NUDT18: variants seen among roughly 807,000 people sequenced by gnomAD.
The protein encoded by NUDT18 is 8-oxo-dGDP phosphatase NUDT18.
In NUDT18, 26 loss-of-function variants were observed where a neutral mutation model predicts 27.6. That is an observed-to-expected ratio of 0.94 (90% confidence interval 0.69 to 1.31). The LOEUF (loss-of-function observed/expected upper bound fraction) is 1.31. Ranked by LOEUF, NUDT18 falls within the 50% of genes most tolerant of loss-of-function variation. The probability of loss-of-function intolerance (pLI) is 0.00; values close to 1 mark genes in which losing one functional copy is unlikely to be tolerated. For synonymous variants in NUDT18, 220 were observed against 196.9 expected, an observed-to-expected ratio of 1.12 and a Z score of -0.98; for missense variants, 450 against 433.4, an observed-to-expected ratio of 1.04 and a Z score of -0.34.
At position 22,107,231 on chromosome 8, in the gene NUDT18, C is replaced by T; in HGVS notation, c.*69G>A. ...CCCTGATCGCCAGCCTCTTGCCTCC[C>T]TCAGAGGGAGACAAGTCCGCACTGG... On this transcript the variant is annotated 3_prime_UTR_variant, in exon 3 of 3. Transcript: ENST00000611621. 1 of 1,274,588 alleles carries T rather than the reference C, an allele frequency of 7.8e-7. No homozygotes were observed. Among genetic ancestry groups the T allele is most frequent in the Non-Finnish European group, 1.1e-6 (1 of 931,380 alleles). 79.0% of individuals were successfully genotyped at this position (1,274,588 alleles called of 1,614,324 possible). A position where few individuals can be genotyped will look rare whatever the true frequency, so the allele number is the denominator to read the frequency against.
chr8:22,108,918 G>A (rs1826414331), intron 1 of NUDT18, among the ~76,000 whole-genome samples: 1 of 152,226 alleles, frequency 6.6e-6, no homozygotes, highest in Admixed American at 6.5e-5. Flanking sequence ...GGGAAGGAAT[G>A]AGGCCTAGTC....
Position 22,107,413 on chromosome 8 carries a change from G to C in NUDT18, c.859C>G (p.Pro287Ala). Residue 287 changes from proline to alanine, a missense_variant, in exon 3 of 3, where the codon CCC becomes GCC. Coordinates refer to ENST00000611621, the MANE Select transcript of NUDT18 (RefSeq NM_024815.4). ...AFRSPGIQDE[P>A]PKVRGENFSW... ...AAGTTCTCACCCCGAACTTTTGGGG[G>C]TTCATCCTGGATCCCTGGGCTCCGA... 6.2e-7 allele frequency: 1 copy of C among 1,613,456 alleles called. No homozygotes were observed. The highest frequency in any genetic ancestry group is 8.5e-7 in the Non-Finnish European group (1 of 1,179,856).
In NUDT18 at chr8:22,109,397, G is replaced by A; in HGVS notation, c.-97C>T. Reference sequence around the variant, plus strand: ...GCGGAGCCCGCTCCCAGTCCCTGCGGCAGCGGGCCGGGAGCTCACGAGAAC... The same window carrying A: ...GCGGAGCCCGCTCCCAGTCCCTGCGACAGCGGGCCGGGAGCTCACGAGAAC... On this transcript the variant is annotated 5_prime_UTR_variant, in exon 1 of 3. Transcript: ENST00000611621. 8.5e-7 allele frequency: 1 copy of A among 1,170,392 alleles called. No homozygotes were observed. Among genetic ancestry groups the A allele is most frequent in the Non-Finnish European group, 1.1e-6 (1 of 902,238 alleles). 72.5% of individuals were successfully genotyped at this position (1,170,392 alleles called of 1,614,324 possible).
intron 1 of NUDT18, among the ~76,000 whole-genome samples, chr8:22,108,741 A>G (rs1826412091): frequency 6.6e-6 from 1 of 152,022 alleles, no homozygotes; most frequent in African/African-American, 2.4e-5. Context: ...CTGGCTTGAA[A>G]CACGACCCCC....
rs1019875215 is a variant in NUDT18 at position 22,108,729 on chromosome 8, G to A, written c.163-383C>T. Reference sequence around the variant, plus strand: ...AACTGTGATGGGTCCTCACACTGGGGTCTGGCTTGAAACACGACCCCCACC... The same window carrying A: ...AACTGTGATGGGTCCTCACACTGGGATCTGGCTTGAAACACGACCCCCACC... On this transcript the variant is annotated intron_variant, in intron 1 of 2. Transcript: ENST00000611621. Among the ~76,000 whole-genome samples, 3 of 152,200 alleles carry A rather than the reference G, an allele frequency of 2.0e-5. No individual in the cohort carries two copies. The East Asian group carries it at 5.8e-4, about 29-fold the overall frequency.
chr8:22,109,248 C>G lies in NUDT18; in HGVS notation c.53G>C (p.Gly18Ala), dbSNP rs949739977. The change falls in exon 1 of 3, where the codon GGG (glycine) becomes GCG (alanine). Residue 18 changes from glycine (G) to alanine (A), a missense_variant. Gly to Ala is a moderately conservative substitution (Grantham distance 60, BLOSUM62 0). Coordinates refer to ENST00000611621, the MANE Select transcript of NUDT18 (RefSeq NM_024815.4). The stretch of plus-strand genomic sequence containing the variant: ...CGAGTCGCAGCTGTGCACGCTGGAC[C>G]CCTGGCCAGCCAGCACGGAAGCCAG... ...GALASVLAGQ[G>A]SSVHSCDSAP... is the part of the protein sequence containing the mutation. The G allele has an allele frequency of 1.5e-5, 21 of 1,417,008 alleles. No homozygotes were observed. In the Admixed American group the frequency reaches 4.8e-4, roughly 32 times the overall value. The allele number at this position is 1,417,008 out of a possible 1,614,324, so 87.8% of individuals were successfully genotyped here.
Position 22,109,378 on chromosome 8 carries a change from C to CCCGCCCCCAGTCCCTGCGGAGA in NUDT18, c.-79_-78insTCTCCGCAGGGACTGGGGGCGG. 8.4e-7 allele frequency: 1 copy of CCCGCCCCCAGTCCCTGCGGAGA among 1,195,270 alleles called. No individual in the cohort carries two copies. Among genetic ancestry groups the CCCGCCCCCAGTCCCTGCGGAGA allele is most frequent in the Non-Finnish European group, 1.1e-6 (1 of 931,080 alleles). 74.0% of individuals were successfully genotyped at this position (1,195,270 alleles called of 1,614,324 possible). ...CCGCGGGCTAGAGTGCGCTGCGGAG[C>CCCGCCCCCAGTCCCTGCGGAGA]CCGCTCCCAGTCCCTGCGGCAGCGG... On this transcript the variant is annotated 5_prime_UTR_variant, in exon 1 of 3. Coordinates refer to ENST00000611621, the MANE Select transcript of NUDT18 (RefSeq NM_024815.4).
Position 22,107,362 on chromosome 8 carries a change from C to G in NUDT18, c.910G>C (p.Asp304His). Residue 304 changes from aspartate to histidine, a missense_variant, in exon 3 of 3, where the codon GAC becomes CAC. Transcript: ENST00000611621. Reference sequence around the variant, plus strand: ...CGCTGGAGGAGCTGGCTTTGCAGGTCTTCCTCCATCACCTTCCACCAAGAG... The same window carrying G: ...CGCTGGAGGAGCTGGCTTTGCAGGTGTTCCTCCATCACCTTCCACCAAGAG... ...NFSWWKVMEE[D>H]LQSQLLQRLQ... 6.2e-7 allele frequency: 1 copy of G among 1,613,566 alleles called. No individual in the cohort carries two copies. The highest frequency in any genetic ancestry group is 8.5e-7 in the Non-Finnish European group (1 of 1,179,804).
Position 22,107,175 on chromosome 8 carries a change from A to T in NUDT18, c.*125T>A. ...CAAAGCATCTCTCCTGGGGACCAGG[A>T]GAGCCGCCCCTGCTCCCAATGCAAC... is the stretch of plus-strand genomic sequence containing the variant. On this transcript the variant is annotated 3_prime_UTR_variant, in exon 3 of 3. Coordinates refer to ENST00000611621, the MANE Select transcript of NUDT18 (RefSeq NM_024815.4). The T allele has an allele frequency of 1.5e-6, 1 of 689,440 alleles. No homozygotes were observed. The allele number at this position is 689,440 out of a possible 1,614,324, so 42.7% of individuals were successfully genotyped here.
chr8:22,107,345 G>C lies in NUDT18; in HGVS notation c.927C>G (p.Leu309=). The change falls in exon 3 of 3, where the codon CTC becomes CTG. Residue 309 remains leucine (L), a synonymous_variant. Transcript: ENST00000611621. ...CAGAGGATCCCTGAAGCCGCTGGAG[G>C]AGCTGGCTTTGCAGGTCTTCCTCCA... ...KVMEEDLQSQ[L]LQRLQGSSVV... The C allele has an allele frequency of 6.2e-7, 1 of 1,613,042 alleles. No individual in the cohort carries two copies.
chr8:22,107,171 C>A lies in NUDT18; in HGVS notation c.*129G>T. 1 of 678,684 alleles carries A rather than the reference C, an allele frequency of 1.5e-6. No individual in the cohort carries two copies. The highest frequency in any genetic ancestry group is 2.7e-5 in the East Asian group (1 of 36,694). 42.0% of individuals were successfully genotyped at this position (678,684 alleles called of 1,614,324 possible). On this transcript the variant is annotated 3_prime_UTR_variant, in exon 3 of 3. Transcript: ENST00000611621. ...TCCTCAAAGCATCTCTCCTGGGGAC[C>A]AGGAGAGCCGCCCCTGCTCCCAATG...
upstream of NUDT18, among the ~76,000 whole-genome samples, chr8:22,110,344 CA>C (rs1378659838): frequency 2.0e-5 from 3 of 152,252 alleles, no homozygotes; most frequent in Non-Finnish European, 2.9e-5. Flanking sequence ...TCCTTCACCC[CA>C]CCTCAGCACT....
Position 22,108,154 on chromosome 8 carries a change from C to A in NUDT18, c.355G>T (p.Val119Leu). The A allele has an allele frequency of 6.5e-7, 1 of 1,542,592 alleles. No individual in the cohort carries two copies. Among genetic ancestry groups the A allele is most frequent in the East Asian group, 2.3e-5 (1 of 43,148 alleles). The change falls in exon 2 of 3, where the codon GTG becomes TTG. Residue 119 changes from valine to leucine, a missense_variant. Coordinates refer to ENST00000611621, the MANE Select transcript of NUDT18 (RefSeq NM_024815.4). Reference protein sequence around the residue: ...EERGPSWVRFVFLARPTGGIL... With the variant: ...EERGPSWVRFLFLARPTGGIL... ...ATACCTGTGGGGCGAGCGAGGAACA[C>A]GAAGCGGACCCAGGAGGGGCCCCGC...
intron 1 of NUDT18, 140 bp from the exon 2 acceptor site, chr8:22,108,486 C>T (rs1245179463): frequency 5.9e-6 from 4 of 679,264 alleles, no homozygotes; most frequent in East Asian, 3.1e-5. Context: ...GACCTGCCCT[C>T]GTGTCGCTGG....
chr8:22,108,296 C>A lies in NUDT18; in HGVS notation c.213G>T (p.Trp71Cys). Residue 71 changes from tryptophan (W) to cysteine (C), a missense_variant, in exon 2 of 3, where the codon TGG (tryptophan) becomes TGT (cysteine). By Grantham distance (215) the Trp-to-Cys change is radical. Transcript: ENST00000611621. Reference protein sequence around the residue: ...QEAKRECRGSWYLPAGRMEPG... With the variant: ...QEAKRECRGSCYLPAGRMEPG... ...GCTCCATTCTCCCCGCAGGCAGGTA[C>A]CACGACCCCCGGCACTCCCTCTTGG... is the stretch of plus-strand genomic sequence containing the variant. 6.3e-7 allele frequency: 1 copy of A among 1,592,192 alleles called. No homozygotes were observed. The highest frequency in any genetic ancestry group is 8.5e-7 in the Non-Finnish European group (1 of 1,170,866).
chr8:22,109,408 G>A lies in NUDT18; in HGVS notation c.-108C>T, dbSNP rs2071508393. Reference sequence around the variant, plus strand: ...TCCCAGTCCCTGCGGCAGCGGGCCGGGAGCTCACGAGAACGCGGAAGCGCA... The same window carrying A: ...TCCCAGTCCCTGCGGCAGCGGGCCGAGAGCTCACGAGAACGCGGAAGCGCA... On this transcript the variant is annotated 5_prime_UTR_variant, in exon 1 of 3. Transcript: ENST00000611621. The A allele has an allele frequency of 3.0e-6, 1 of 330,468 alleles. No homozygotes were observed. The allele number at this position is 330,468 out of a possible 1,614,324, so 20.5% of individuals were successfully genotyped here.
chr8:22,107,303 T>G lies in NUDT18; in HGVS notation c.969A>C (p.Arg323Ser). 6.3e-7 allele frequency: 1 copy of G among 1,593,336 alleles called. No individual in the cohort carries two copies. Among genetic ancestry groups the G allele is most frequent in the Non-Finnish European group, 8.6e-7 (1 of 1,169,002 alleles). Residue 323 changes from arginine (R) to serine (S), a missense_variant, in exon 3 of 3, where the codon AGA becomes AGC. Transcript: ENST00000611621. ...CCCTGTCACCTCCCCCACCTCTCTA[T>G]CTGTTCACTGGGACAACAGAGGATC... is the stretch of plus-strand genomic sequence containing the variant. ...LQGSSVVPVNR is the reference protein window; with the variant it reads ...LQGSSVVPVNS
rs764749481 is a variant in NUDT18, at chr8:22,107,400, C to T, written c.872G>A (p.Arg291Gln). 1.6e-5 allele frequency: 26 copies of T among 1,613,434 alleles called. No individual in the cohort carries two copies. Among genetic ancestry groups the T allele is most frequent in the East Asian group, 1.3e-4 (6 of 44,884 alleles). Residue 291 changes from arginine to glutamine, a missense_variant, in exon 3 of 3, where the codon CGG becomes CAG. Arg to Gln is a conservative substitution (Grantham distance 43, BLOSUM62 1). Transcript: ENST00000611621. ...CTTCCACCAAGAGAAGTTCTCACCC[C>T]GAACTTTTGGGGGTTCATCCTGGAT... Reference protein sequence around the residue: ...PGIQDEPPKVRGENFSWWKVM... With the variant: ...PGIQDEPPKVQGENFSWWKVM...
chr8:22,107,814 G>T lies in NUDT18; in HGVS notation c.458C>A (p.Pro153Gln). Residue 153 changes from proline (P) to glutamine (Q), a missense_variant, in exon 3 of 3, where the codon CCG (proline) becomes CAG (glutamine). By Grantham distance (76) the Pro-to-Gln change is moderately conservative. Transcript: ENST00000611621. ...GTGCAGGATGTCATGGGCTCGCAGC[G>T]GAGTGGGCAGGGAGGTCCGTGGGTA... is the stretch of plus-strand genomic sequence containing the variant. ...AWYPRTSLPT[P>Q]LRAHDILHLV... is the part of the protein sequence containing the mutation. 5 of 1,613,022 alleles carry T rather than the reference G, an allele frequency of 3.1e-6. No homozygotes were observed. Among genetic ancestry groups the T allele is most frequent in the Non-Finnish European group, 3.4e-6 (4 of 1,179,736 alleles).
Sources: allele counts gnomAD v4.1 joint callset (sites outside exome capture counted in the v4.1 genomes callset), GRCh38; gene constraint gnomAD v4.1.1; transcripts MANE v1.5; gene names NCBI Gene and HGNC (gene_info 2026-07-23, HGNC 2026-07-21).